The following ERICH1 variants were observed in gnomAD, a reference collection of about 807,000 sequenced individuals.
The protein encoded by ERICH1 is glutamate-rich protein 1.
ERICH1 carries 56 observed loss-of-function variants against 39.6 expected under a neutral mutation model. The ratio of observed to expected loss-of-function variants is 1.41; its 90% CI spans 1.14 to 1.77. ERICH1 has a LOEUF of 1.77. Among genes scored for constraint, ERICH1 ranks in the 40% most tolerant of loss-of-function variants. The pLI is 0.00. For synonymous variants in ERICH1, 313 were observed against 223.6 expected (o/e 1.40, Z -3.57); for missense variants, 826 against 575.4 (o/e 1.44, Z -4.45).
At chr8:727,998 C>T (rs892378770) in intron 1 of ERICH1, among the ~76,000 whole-genome samples, 1 of 152,200 alleles carries the variant, frequency 6.6e-6, no homozygotes, top group Non-Finnish European at 1.5e-5. Flanking sequence ...GCCGGACAGC[C>T]TGGCACTCCT....
chr8:700,237 CCGCACAGGCCCGCACACG>C (rs1316305120), intron 2 of ERICH1, among the ~76,000 whole-genome samples: 1,288 of 40,642 alleles, frequency 0.032, 70 homozygotes, highest in East Asian at 0.041. Flanking sequence ...GCGCACAGGC[CCGCACAGGCCCGCACACG>C]CGCACAGGCC....
intron 4 of ERICH1, among the ~76,000 whole-genome samples, chr8:670,932 C>T (rs541471548): frequency 5.3e-5 from 8 of 149,546 alleles, no homozygotes; most frequent in South Asian, 2.2e-4. Context: ...CTGAGCCCAC[C>T]GGTCCCCCAG....
intron 1 of ERICH1, chr8:725,975 C>T (rs1030989732): frequency 2.0e-5 from 3 of 152,436 alleles, no homozygotes; most frequent in African/African-American, 7.2e-5. Context: ...GATTCTACCA[C>T]ATCTGAGTAG....
At chr8:628,178 C>T (rs986916197) in intron 3 of ERICH1, among the ~76,000 whole-genome samples, 1 of 152,178 alleles carries the variant, frequency 6.6e-6, no homozygotes, top group African/African-American at 2.4e-5. Flanking sequence ...TCTGGAAGTG[C>T]TGTGTGTGGA....
chr8:639,792 G>A (rs13267584), intron 3 of ERICH1, among the ~76,000 whole-genome samples: 890 of 69,786 alleles, frequency 0.013, 189 homozygotes, highest in Middle Eastern at 0.058. Flanking sequence ...ACACATGACC[G>A]AGCACCCTGG....
At position 668,701 on chromosome 8, in the gene ERICH1, G is replaced by C; in HGVS notation, c.1155C>G (p.Asp385Glu). Reference protein sequence around the residue: ...RLASHSMLPSDVSILYHMKTL... With the variant: ...RLASHSMLPSEVSILYHMKTL... ...TTTTCATGTGGTACAGGATGGACAC[G>C]TCTGAGGGCAGCATGCTGTGTGACG... is the stretch of plus-strand genomic sequence containing the variant. Residue 385 changes from aspartate to glutamate, a missense_variant, in exon 5 of 6, where the codon GAC becomes GAG. Transcript: ENST00000262109. The C allele has an allele frequency of 6.2e-7, 1 of 1,614,076 alleles. No individual in the cohort carries two copies. The highest frequency in any genetic ancestry group is 8.5e-7 in the Non-Finnish European group (1 of 1,180,038).
At chr8:618,364 C>T (rs1382489703) in intron 3 of ERICH1, among the ~76,000 whole-genome samples, 2 of 152,002 alleles carry the variant, frequency 1.3e-5, no homozygotes, top group African/African-American at 4.8e-5. Flanking sequence ...CGTACTTGGT[C>T]TGTCCTCACT....
At position 673,975 on chromosome 8, in the gene ERICH1, G is replaced by A. The variant is rs145441438; in HGVS notation, c.377C>T (p.Pro126Leu). Residue 126 changes from proline to leucine, a missense_variant, in exon 4 of 6, where the codon CCC becomes CTC. By Grantham distance (98) the Pro-to-Leu change is moderately conservative. Coordinates refer to ENST00000262109, the MANE Select transcript of ERICH1 (RefSeq NM_207332.3). The part of the protein sequence containing the change: ...KHKSKKKFKN[P>L]NNVLIEQAEL... Reference sequence around the variant, plus strand: ...TGCTTGTTCTATAAGAACATTATTGGGATTTTTAAATTTTTTCTTTGATTT... The same window carrying A: ...TGCTTGTTCTATAAGAACATTATTGAGATTTTTAAATTTTTTCTTTGATTT... 1.0e-4 allele frequency: 166 copies of A among 1,591,804 alleles called. No individual in the cohort carries two copies. The African/African-American group carries it at 2.0e-3, about 19-fold the overall frequency.
intron 1 of ERICH1, among the ~76,000 whole-genome samples, chr8:717,534 A>C (rs966293903): frequency 6.6e-6 from 1 of 152,222 alleles, no homozygotes; most frequent in Non-Finnish European, 1.5e-5. Flanking sequence ...CAAATGTCAA[A>C]GAAGAAAATG....
chr8:706,386 C>T (rs1463383745), intron 2 of ERICH1, among the ~76,000 whole-genome samples: 1 of 152,172 alleles, frequency 6.6e-6, no homozygotes, highest in African/African-American at 2.4e-5. Flanking sequence ...ATTCCACTTA[C>T]AATAGCACCA....
rs184848974 is a variant in ERICH1 at position 643,983 on chromosome 8, G to C, written c.976+24615C>G. On this transcript the variant is annotated intron_variant, in intron 3 of 3. Coordinates refer to the ERICH1 transcript ENST00000522706. ...ACCAGCACGGTGGGCCTGACGGGGCGGGGGCGGCTCTGCAGGAGCAGGAGT... is the reference window on the plus strand; with the variant it reads ...ACCAGCACGGTGGGCCTGACGGGGCCGGGGCGGCTCTGCAGGAGCAGGAGT... Among the ~76,000 whole-genome samples the C allele has an allele frequency of 5.9e-5, 9 of 152,320 alleles. No individual in the cohort carries two copies. In the East Asian group the frequency reaches 1.7e-3, roughly 29 times the overall value.
At chr8:691,924 G>A (rs550181059) in intron 3 of ERICH1, among the ~76,000 whole-genome samples, 1 of 152,286 alleles carries the variant, frequency 6.6e-6, no homozygotes, top group South Asian at 2.1e-4. Context: ...AAGGTAAAAA[G>A]TATATGGGCA....
At chr8:634,356 T>C (rs2117145803) in intron 3 of ERICH1, among the ~76,000 whole-genome samples, 1 of 150,768 alleles carries the variant, frequency 6.6e-6, no homozygotes, top group African/African-American at 2.4e-5. Flanking sequence ...CGTGGAGCGC[T>C]TGGAACCCTC....
At chr8:655,844 T>A (rs1163239543) in intron 3 of ERICH1, among the ~76,000 whole-genome samples, 1 of 152,040 alleles carries the variant, frequency 6.6e-6, no homozygotes, top group Non-Finnish European at 1.5e-5. Flanking sequence ...CACGACCACG[T>A]TTTTCATGAC....
At chr8:678,226 G>C (rs1032114518) in intron 3 of ERICH1, among the ~76,000 whole-genome samples, 1 of 152,070 alleles carries the variant, frequency 6.6e-6, no homozygotes, top group African/African-American at 2.4e-5. Flanking sequence ...CTAAGTATAG[G>C]CTGCTTTTTT....
At chr8:656,265 C>G (rs999722187) in intron 3 of ERICH1, among the ~76,000 whole-genome samples, 1 of 152,160 alleles carries the variant, frequency 6.6e-6, no homozygotes, top group Non-Finnish European at 1.5e-5. Flanking sequence ...GCAGCTGGAT[C>G]CCCCCTGCAA....
At chr8:674,710 G>T (rs1804274865) in intron 3 of ERICH1, among the ~76,000 whole-genome samples, 2 of 152,126 alleles carry the variant, frequency 1.3e-5, no homozygotes, top group Non-Finnish European at 2.9e-5. Context: ...TTACAATTTA[G>T]TCCTTTCTAA....
intron 3 of ERICH1, among the ~76,000 whole-genome samples, chr8:678,572 G>A (rs902145315): frequency 6.6e-6 from 1 of 152,224 alleles, no homozygotes; most frequent in African/African-American, 2.4e-5. Flanking sequence ...AGTCTTGGGA[G>A]GCCGAGGCGG....
intron 2 of ERICH1, among the ~76,000 whole-genome samples, chr8:715,097 T>TTACATCC (rs1815570350): frequency 6.6e-6 from 1 of 151,040 alleles, no homozygotes; most frequent in African/African-American, 2.4e-5. Flanking sequence ...TGTCTCTCAG[T>TTACATCC]GGGATGTGTT....
Sources: allele counts gnomAD v4.1 joint callset (sites outside exome capture counted in the v4.1 genomes callset), GRCh38; gene constraint gnomAD v4.1.1; transcripts MANE v1.5; gene names NCBI Gene and HGNC (gene_info 2026-07-23, HGNC 2026-07-21).